The following COL7A1 variants were observed in gnomAD, a reference collection of about 807,000 sequenced individuals.
COL7A1 encodes collagen type VII alpha 1 chain, also known as collagen alpha-1(VII) chain.
Under a neutral mutation model 456.2 loss-of-function variants are expected in COL7A1, and 296 were observed. The observed-to-expected ratio is 0.65, with a 90% CI of 0.59 to 0.71. The LOEUF is 0.71. COL7A1 is among the 30% of genes least tolerant of loss of function. The pLI is 0.00. For synonymous variants in COL7A1, 1,464 were observed against 1,525.9 expected, an observed-to-expected ratio of 0.96 and a Z score of 0.95; for missense variants, 3,441 against 4,017.2, an observed-to-expected ratio of 0.86 and a Z score of 3.88.
Position 48,576,982 on chromosome 3 carries a change from G to A in COL7A1, c.5568+10C>T, listed in dbSNP as rs1168190146. On this transcript the variant is annotated intron_variant, in intron 66 of 118. Coordinates refer to ENST00000681320, the MANE Select transcript of COL7A1 (RefSeq NM_000094.4). ...CAGAGACCAGAGAGACCCCAGGTGG[G>A]GGACTTTACCTTCCTCCCGTCTTCT... is the stretch of plus-strand genomic sequence containing the variant. 3 of 1,613,882 alleles carry A rather than the reference G, an allele frequency of 1.9e-6. No homozygotes were observed. The highest frequency in any genetic ancestry group is 2.2e-5 in the East Asian group (1 of 44,898).
chr3:48,586,356 G>A lies in COL7A1; in HGVS notation c.3526C>T (p.Pro1176Ser). 6.2e-7 allele frequency: 1 copy of A among 1,613,804 alleles called. No homozygotes were observed. ...DEPLRGDIFS[P>S]IREAQASGLN... Reference sequence around the variant, plus strand: ...CCAGAAGCCTGGGCCTCACGGATGGGGCTGAATATGTCACCTCTCAAGGGT... The same window carrying A: ...CCAGAAGCCTGGGCCTCACGGATGGAGCTGAATATGTCACCTCTCAAGGGT... The change falls in exon 27 of 119, where the codon CCC becomes TCC. Residue 1176 changes from proline to serine, a missense_variant. Physicochemically the swap from Pro to Ser is moderately conservative, Grantham distance 74 (BLOSUM62 -1). This residue lies in a region of COL7A1 where 2,084 missense variants were observed against 2,501.3 expected (regional missense o/e 0.83). Coordinates refer to ENST00000681320, the MANE Select transcript of COL7A1 (RefSeq NM_000094.4). The surrounding 1 kb of genome is among the most constrained non-coding windows in gnomAD (Gnocchi z 5.1).
Position 48,583,633 on chromosome 3 carries a change from G to C in COL7A1, c.4342-18C>G. 4.3e-6 allele frequency: 7 copies of C among 1,613,924 alleles called. No homozygotes were observed. The highest frequency in any genetic ancestry group is 5.9e-6 in the Non-Finnish European group (7 of 1,179,976). On this transcript the variant is annotated intron_variant, in intron 40 of 118. Transcript: ENST00000681320. The surrounding 1 kb of genome is among the most constrained non-coding windows in gnomAD (Gnocchi z 5.1). ...GAGTCACCCTGAAGGAGAAACACAC[G>C]GGTGGGAAGACCGAAGGGAGGCCCT... is the stretch of plus-strand genomic sequence containing the variant.
In COL7A1 at chr3:48,586,701, G is replaced by T. The variant is rs1175933761; in HGVS notation, c.3277-12C>A. 1 of 1,571,516 alleles carries T rather than the reference G, an allele frequency of 6.4e-7. No individual in the cohort carries two copies. The highest frequency in any genetic ancestry group is 8.6e-7 in the Non-Finnish European group (1 of 1,157,702). ...GACAGCAGGCCAACCTGGGGTGGAA[G>T]GAAACACAGAGCCTGAGGAGGATGA... is the stretch of plus-strand genomic sequence containing the variant. On this transcript the variant is annotated splice_polypyrimidine_tract_variant and intron_variant, in intron 25 of 118. Transcript: ENST00000681320. The surrounding 1 kb of genome is among the most constrained non-coding windows in gnomAD (Gnocchi z 5.1).
At position 48,583,603 on chromosome 3, in the gene COL7A1, C is replaced by T. The variant is rs139141593; in HGVS notation, c.4354G>A (p.Asp1452Asn). The change falls in exon 41 of 119, where the codon GAT becomes AAT. Residue 1452 changes from aspartate to asparagine, a missense_variant. Asp to Asn is a conservative substitution (Grantham distance 23). Coordinates refer to ENST00000681320, the MANE Select transcript of COL7A1 (RefSeq NM_000094.4). This position sits in a 1 kb window ranked among gnomAD's most constrained non-coding sequence, Gnocchi z 5.1. ...TGTCCTGGGAGGCCTGGAGCTCCAT[C>T]CTCAGAGTCACCCTGAAGGAGAAAC... The part of the protein sequence containing the change: ...GKKGEKGDSE[D>N]GAPGLPGQPG... 3.7e-6 allele frequency: 6 copies of T among 1,613,936 alleles called. No individual in the cohort carries two copies. Among genetic ancestry groups the T allele is most frequent in the Non-Finnish European group, 4.2e-6 (5 of 1,180,010 alleles).
chr3:48,580,696 G>C lies in COL7A1; in HGVS notation c.4981-44C>G. 1 of 1,607,326 alleles carries C rather than the reference G, an allele frequency of 6.2e-7. No individual in the cohort carries two copies. Among genetic ancestry groups the C allele is most frequent in the Non-Finnish European group, 8.5e-7 (1 of 1,174,516 alleles). ...CTGAGACAGACCCTCCCAATATTTT[G>C]CAGGTGCCCCTATGACCCGCTACAC... On this transcript the variant is annotated intron_variant, in intron 54 of 118. Transcript: ENST00000681320. This position sits in a 1 kb window ranked among gnomAD's most constrained non-coding sequence, Gnocchi z 4.5.
At position 48,564,464 on chromosome 3, in the gene COL7A1, T is replaced by C; in HGVS notation, c.8819-42A>G. ...GGAAACGGTCGTCAGCCATCTGACCTTCCCCGGAGACGCTCAGGCAGAGGC... is the reference window on the plus strand; with the variant it reads ...GGAAACGGTCGTCAGCCATCTGACCCTCCCCGGAGACGCTCAGGCAGAGGC... On this transcript the variant is annotated intron_variant, in intron 118 of 118. Coordinates refer to ENST00000681320, the MANE Select transcript of COL7A1 (RefSeq NM_000094.4). The surrounding 1 kb of genome is among the most constrained non-coding windows in gnomAD (Gnocchi z 6.0). The C allele has an allele frequency of 6.2e-7, 1 of 1,612,400 alleles. No homozygotes were observed. Among genetic ancestry groups the C allele is most frequent in the Non-Finnish European group, 8.5e-7 (1 of 1,179,026 alleles).
chr3:48,586,127 G>C lies in COL7A1; in HGVS notation c.3670C>G (p.Gln1224Glu). Residue 1224 changes from glutamine to glutamate, a missense_variant, in exon 28 of 119, where the codon CAG becomes GAG. By Grantham distance (29) the Gln-to-Glu change is conservative. This residue lies in a region of COL7A1 where 2,084 missense variants were observed against 2,501.3 expected (regional missense o/e 0.83). Coordinates refer to ENST00000681320, the MANE Select transcript of COL7A1 (RefSeq NM_000094.4). The surrounding 1 kb of genome is among the most constrained non-coding windows in gnomAD (Gnocchi z 5.1). ...FAVDDGPSLD[Q>E]AVSGLATALC... is the part of the protein sequence containing the mutation. The stretch of plus-strand genomic sequence containing the variant: ...GCTGTGGCCAGACCACTGACTGCCT[G>C]GTCCAGGCTTGGCCCATCATCCACG... The C allele has an allele frequency of 6.2e-7, 1 of 1,613,502 alleles. No homozygotes were observed. Among genetic ancestry groups the C allele is most frequent in the Non-Finnish European group, 8.5e-7 (1 of 1,180,030 alleles).
chr3:48,575,767 T>C lies in COL7A1; in HGVS notation c.5857-19A>G. On this transcript the variant is annotated intron_variant, in intron 72 of 118. Coordinates refer to ENST00000681320, the MANE Select transcript of COL7A1 (RefSeq NM_000094.4). The surrounding 1 kb of genome is among the most constrained non-coding windows in gnomAD (Gnocchi z 6.3). ...CAGATGCCTGAGGGACAGCAAGAGG[T>C]CAGAGGAGCGGGGTGCGTCGCCGCA... 6.2e-7 allele frequency: 1 copy of C among 1,613,802 alleles called. No individual in the cohort carries two copies.
Position 48,574,376 on chromosome 3 carries a change from CAG to C in COL7A1, c.6457-72_6457-71del, listed in dbSNP as rs2044145249. ...CCCCTCCACCCACCATCCCCCTAGA[CAG>C]AGTCAGGACCCAGACAGTCCCAGGC... On this transcript the variant is annotated intron_variant, in intron 79 of 118. Coordinates refer to ENST00000681320, the MANE Select transcript of COL7A1 (RefSeq NM_000094.4). The surrounding 1 kb of genome is among the most constrained non-coding windows in gnomAD (Gnocchi z 5.0). 6 of 1,613,358 alleles carry C rather than the reference CAG, an allele frequency of 3.7e-6. No homozygotes were observed. The highest frequency in any genetic ancestry group is 1.6e-4 in the Middle Eastern group (1 of 6,062).
rs1198988201 is a variant in COL7A1 at position 48,585,668 on chromosome 3, G to A, written c.3831+22C>T. On this transcript the variant is annotated intron_variant, in intron 31 of 118. Coordinates refer to ENST00000681320, the MANE Select transcript of COL7A1 (RefSeq NM_000094.4). The surrounding 1 kb of genome is among the most constrained non-coding windows in gnomAD (Gnocchi z 4.5). ...GGGGATAAGCCAGTCAGGGTGCAGG[G>A]ACAGATGTGGGGGACACTCACCGGG... 1 of 1,614,030 alleles carries A rather than the reference G, an allele frequency of 6.2e-7. No individual in the cohort carries two copies.
Position 48,585,146 on chromosome 3 carries a change from G to C in COL7A1, c.3895-30C>G, listed in dbSNP as rs753038148. ...GGAGGTGAAGAGGTCAGGACAGGAAGGGACCCTCCCCCAAGGCCCCTGGTT... is the reference window on the plus strand; with the variant it reads ...GGAGGTGAAGAGGTCAGGACAGGAACGGACCCTCCCCCAAGGCCCCTGGTT... On this transcript the variant is annotated intron_variant, in intron 32 of 118. Transcript: ENST00000681320. This position sits in a 1 kb window ranked among gnomAD's most constrained non-coding sequence, Gnocchi z 4.5. 6.2e-7 allele frequency: 1 copy of C among 1,606,770 alleles called. No homozygotes were observed. The highest frequency in any genetic ancestry group is 8.5e-7 in the Non-Finnish European group (1 of 1,177,938).
Position 48,585,506 on chromosome 3 carries a change from A to G in COL7A1, c.3894+51T>C, listed in dbSNP as rs1415511136. 5 of 1,588,748 alleles carry G rather than the reference A, an allele frequency of 3.1e-6. No individual in the cohort carries two copies. Among genetic ancestry groups the G allele is most frequent in the Non-Finnish European group, 3.5e-6 (4 of 1,158,432 alleles). On this transcript the variant is annotated intron_variant, in intron 32 of 118. Transcript: ENST00000681320. The surrounding 1 kb of genome is among the most constrained non-coding windows in gnomAD (Gnocchi z 4.5). ...TTCCTTCTCTCTTGTAAAAACCCCG[A>G]GACAGCTTTGAGGAGTGCCTCAGAG... is the stretch of plus-strand genomic sequence containing the variant.
chr3:48,592,849 G>A lies in COL7A1; in HGVS notation c.772C>T (p.Pro258Ser). The A allele has an allele frequency of 6.2e-7, 1 of 1,613,930 alleles. No homozygotes were observed. Among genetic ancestry groups the A allele is most frequent in the Non-Finnish European group, 8.5e-7 (1 of 1,180,020 alleles). Reference protein sequence around the residue: ...LRVQWTAASGPVTGYKVQYTP... With the variant: ...LRVQWTAASGSVTGYKVQYTP... Reference sequence around the variant, plus strand: ...TACTGGACCTTGTAGCCAGTCACAGGGCCACTGGCCGCTGTCCACTGTACT... The same window carrying A: ...TACTGGACCTTGTAGCCAGTCACAGAGCCACTGGCCGCTGTCCACTGTACT... Residue 258 changes from proline (P) to serine (S), a missense_variant, in exon 7 of 119, where the codon CCT becomes TCT. Around this residue, in one of 3 missense-constraint regions of COL7A1, gnomAD observed 913 missense variants for 1,088.2 expected, o/e 0.84. Coordinates refer to ENST00000681320, the MANE Select transcript of COL7A1 (RefSeq NM_000094.4). This position sits in a 1 kb window ranked among gnomAD's most constrained non-coding sequence, Gnocchi z 7.6.
Position 48,565,720 on chromosome 3 carries a change from A to C in COL7A1, c.8408-52T>G. On this transcript the variant is annotated intron_variant, in intron 114 of 118. Transcript: ENST00000681320. This position sits in a 1 kb window ranked among gnomAD's most constrained non-coding sequence, Gnocchi z 4.5. The stretch of plus-strand genomic sequence containing the variant: ...GACAATGACAGAGAGAAGGATGGGA[A>C]GATGGAGAGACAGACAGAGACACAC... 1 of 1,547,692 alleles carries C rather than the reference A, an allele frequency of 6.5e-7. No individual in the cohort carries two copies. Among genetic ancestry groups the C allele is most frequent in the African/African-American group, 1.4e-5 (1 of 73,576 alleles).
In COL7A1 at chr3:48,569,775, A is replaced by T. The variant is rs1208758870; in HGVS notation, c.7522-15T>A. 1 of 1,614,114 alleles carries T rather than the reference A, an allele frequency of 6.2e-7. No individual in the cohort carries two copies. The highest frequency in any genetic ancestry group is 8.5e-7 in the Non-Finnish European group (1 of 1,180,018). On this transcript the variant is annotated splice_polypyrimidine_tract_variant and intron_variant, in intron 100 of 118. Coordinates refer to ENST00000681320, the MANE Select transcript of COL7A1 (RefSeq NM_000094.4). This position sits in a 1 kb window ranked among gnomAD's most constrained non-coding sequence, Gnocchi z 4.9. Reference sequence around the variant, plus strand: ...CCAACATCACCCTATTGGGCAAAAGAGTGTGAGTCCCGCCCAAACTGGGGA... The same window carrying T: ...CCAACATCACCCTATTGGGCAAAAGTGTGTGAGTCCCGCCCAAACTGGGGA...
rs746359233 is a variant in COL7A1 at position 48,570,591 on chromosome 3, C to G, written c.7344+48G>C. On this transcript the variant is annotated intron_variant, in intron 96 of 118. Coordinates refer to ENST00000681320, the MANE Select transcript of COL7A1 (RefSeq NM_000094.4). The surrounding 1 kb of genome is among the most constrained non-coding windows in gnomAD (Gnocchi z 5.5). ...TGGCCCGCCCCATCCTAAGTCCTCA[C>G]GAGGACAGGAAATCAAATACGTGGG... 2 of 1,612,584 alleles carry G rather than the reference C, an allele frequency of 1.2e-6. No homozygotes were observed. The highest frequency in any genetic ancestry group is 1.7e-6 in the Non-Finnish European group (2 of 1,179,086).
In COL7A1 at chr3:48,574,558, CAG is replaced by C. The variant is rs762840197; in HGVS notation, c.6394-10_6394-9del. 1 of 1,613,934 alleles carries C rather than the reference CAG, an allele frequency of 6.2e-7. No homozygotes were observed. The highest frequency in any genetic ancestry group is 1.3e-5 in the African/African-American group (1 of 75,044). Reference sequence around the variant, plus strand: ...TTTGATGCCTGGCACACCCTGAAGGCAGAGTGTCGTGCCCTGAGCCCCCAGTC... The same window carrying C: ...TTTGATGCCTGGCACACCCTGAAGGCAGTGTCGTGCCCTGAGCCCCCAGTC... On this transcript the variant is annotated splice_polypyrimidine_tract_variant and intron_variant, in intron 78 of 118. Transcript: ENST00000681320. The surrounding 1 kb of genome is among the most constrained non-coding windows in gnomAD (Gnocchi z 5.0).
In COL7A1 at chr3:48,580,919, G is replaced by A. The variant is rs376111034; in HGVS notation, c.4943C>T (p.Pro1648Leu). ...EKGDEGPPGD[P>L]GLPGKAGERG... ...CTCGCCTGCTTTTCCAGGCAAACCC[G>A]GGTCACCCTGGTGATAGAGAGAAAA... is the stretch of plus-strand genomic sequence containing the variant. Residue 1648 changes from proline to leucine, a missense_variant, in exon 54 of 119, where the codon CCG becomes CTG. Pro to Leu is a moderately conservative substitution (Grantham distance 98). This residue lies in a region of COL7A1 where 2,084 missense variants were observed against 2,501.3 expected (regional missense o/e 0.83). Coordinates refer to ENST00000681320, the MANE Select transcript of COL7A1 (RefSeq NM_000094.4). This position sits in a 1 kb window ranked among gnomAD's most constrained non-coding sequence, Gnocchi z 4.5. 5.6e-6 allele frequency: 9 copies of A among 1,613,926 alleles called. No individual in the cohort carries two copies. The highest frequency in any genetic ancestry group is 2.2e-5 in the South Asian group (2 of 91,074).
At position 48,586,973 on chromosome 3, in the gene COL7A1, T is replaced by G. The variant is rs561709623; in HGVS notation, c.3275A>C (p.Gln1092Pro). Residue 1092 changes from glutamine (Q) to proline (P), a missense_variant and splice_region_variant, in exon 25 of 119, where the codon CAG becomes CCG. Transcript: ENST00000681320. The surrounding 1 kb of genome is among the most constrained non-coding windows in gnomAD (Gnocchi z 5.1). ...ALGPLGPQAV[Q>P]VGLLSYSHRP... ...AATCTGGCTGCCCCAGGGCCAAACC[T>G]GAACTGCCTGTGGCCCAAGAGGCCC... The G allele has an allele frequency of 6.3e-7, 1 of 1,591,514 alleles. No homozygotes were observed. Among genetic ancestry groups the G allele is most frequent in the Admixed American group, 1.8e-5 (1 of 56,088 alleles).
Sources: gnomAD v4.1 joint callset for allele counts on GRCh38, gnomAD v4.1.1 for gene constraint, gnomAD v4.1.1 regional missense constraint, Gnocchi (gnomAD v3.1) non-coding constraint, MANE v1.5 for transcripts, NCBI Gene and HGNC (gene_info 2026-07-23, HGNC 2026-07-21) for gene names.